Variants in BTBD9 observed in about 807,000 individuals in gnomAD.
BTBD9 encodes the protein BTB domain containing 9, also known as BTB/POZ domain-containing protein 9.
In BTBD9, 49 loss-of-function variants were observed where a neutral mutation model predicts 64.3. The observed-to-expected ratio is 0.76, with a 90% CI of 0.61 to 0.97. BTBD9 has a LOEUF of 0.97. Ranked by LOEUF, BTBD9 falls within the 50% of genes least tolerant of loss-of-function variation. BTBD9 has a pLI of 0.00. For synonymous variants in BTBD9, 260 were observed against 274.7 expected (o/e 0.95, Z 0.53); for missense variants, 598 against 762.1 (o/e 0.78, Z 2.53).
intron 10 of BTBD9, among the ~76,000 whole-genome samples, chr6:38,182,665 G>A (rs1213645013): frequency 1.3e-5 from 2 of 152,164 alleles, no homozygotes; most frequent in Non-Finnish European, 2.9e-5. Flanking sequence ...CTCCAGCTGC[G>A]TCGAGGCTTC....
At chr6:38,277,753 C>T (rs1468361313) in intron 8 of BTBD9, among the ~76,000 whole-genome samples, 1 of 152,148 alleles carries the variant, frequency 6.6e-6, no homozygotes, top group African/African-American at 2.4e-5. Flanking sequence ...AGGGAAAAAG[C>T]CCCCACTGAA....
intron 6 of BTBD9, among the ~76,000 whole-genome samples, chr6:38,470,477 G>A (rs987984058): frequency 6.6e-6 from 1 of 152,208 alleles, no homozygotes; most frequent in Non-Finnish European, 1.5e-5. Flanking sequence ...ACAATGTCCT[G>A]TCTGGACATA....
chr6:38,266,878 A>C (rs1043936511), intron 8 of BTBD9, among the ~76,000 whole-genome samples: 6 of 152,216 alleles, frequency 3.9e-5, no homozygotes, highest in African/African-American at 1.4e-4. Flanking sequence ...TAAAAGGTGA[A>C]GTCACAATAT....
chr6:38,486,681 G>A (rs977290820), intron 6 of BTBD9, among the ~76,000 whole-genome samples: 1 of 152,106 alleles, frequency 6.6e-6, no homozygotes, highest in Non-Finnish European at 1.5e-5. Flanking sequence ...AAAAATCATC[G>A]ATTACAGATC....
intron 8 of BTBD9, among the ~76,000 whole-genome samples, chr6:38,271,579 C>A (rs555481563): frequency 1.3e-3 from 201 of 152,144 alleles, no homozygotes; most frequent in African/African-American, 4.6e-3. Context: ...CACAGCCATG[C>A]CCCTCAGCAG....
At position 38,256,474 on chromosome 6, in the gene BTBD9, G is replaced by C. The variant is rs561475349; in HGVS notation, c.1497C>G (p.Tyr499Ter). The change falls in exon 9 of 11, where the codon TAC (tyrosine) becomes TAG (stop). Residue 499 changes from tyrosine to a stop codon, truncating the protein, a stop_gained. Transcript: ENST00000481247. LOFTEE classifies it high-confidence loss of function. The stretch of plus-strand genomic sequence containing the variant: ...GTTGCTGGTTGGTAGAAACCTCAAC[G>C]TAGTAGCTATAGCTTCGATCATCAC... The part of the protein sequence containing the change: ...WDCDDRSYSY[Y>*]VEVSTNQQQW... 7 of 1,613,984 alleles carry C rather than the reference G, an allele frequency of 4.3e-6. No individual in the cohort carries two copies. Among genetic ancestry groups the C allele is most frequent in the Non-Finnish European group, 5.9e-6 (7 of 1,179,880 alleles).
rs140474962 is a variant in BTBD9, at chr6:38,334,311, C to T, written c.1264+10673G>A. Among the ~76,000 whole-genome samples, 1,169 of 152,274 alleles carry T rather than the reference C, an allele frequency of 7.7e-3. 8 individuals are homozygous for T. The highest frequency in any genetic ancestry group is 0.014 in the African/African-American group (572 of 41,558). ...GCATGGTGGCTCATGCCTGTAATCC[C>T]GGCACTTTGGGAGGCCAAGGTGGGA... On this transcript the variant is annotated intron_variant, in intron 7 of 10. Transcript: ENST00000481247.
At chr6:38,336,080 T>C (rs1482669193) in intron 7 of BTBD9, among the ~76,000 whole-genome samples, 1 of 152,084 alleles carries the variant, frequency 6.6e-6, no homozygotes, top group African/African-American at 2.4e-5. Flanking sequence ...CTAATACACA[T>C]ATGTACACAC....
At chr6:38,595,753 G>A (rs1164301051) in intron 2 of BTBD9, 2 of 984,584 alleles carry the variant, frequency 2.0e-6, no homozygotes, top group Non-Finnish European at 2.4e-6. Flanking sequence ...AAAGATTCAT[G>A]AATATTCTGA....
intron 6 of BTBD9, among the ~76,000 whole-genome samples, chr6:38,563,464 C>T (rs575817167): frequency 2.5e-4 from 38 of 152,290 alleles, no homozygotes; most frequent in African/African-American, 7.5e-4. Flanking sequence ...TCTTCCACTT[C>T]GGCCCAACTC....
chr6:38,255,222 A>G (rs577060664), intron 9 of BTBD9, among the ~76,000 whole-genome samples: 7 of 152,322 alleles, frequency 4.6e-5, no homozygotes, highest in African/African-American at 1.7e-4. Context: ...TCCATAAAGA[A>G]AAGACAGAAA....
chr6:38,609,015 T>C (rs1777522809), intron 1 of BTBD9, among the ~76,000 whole-genome samples: 1 of 152,168 alleles, frequency 6.6e-6, no homozygotes, highest in African/African-American at 2.4e-5. Context: ...CCTACAGCCA[T>C]TGACTGCCTG....
chr6:38,408,335 G>C (rs978937504), intron 6 of BTBD9, among the ~76,000 whole-genome samples: 4 of 149,748 alleles, frequency 2.7e-5, no homozygotes, highest in South Asian at 4.3e-4. Flanking sequence ...TCCAGCAACA[G>C]AGCAAGACCC....
At chr6:38,550,056 T>C (rs1774728270) in intron 6 of BTBD9, among the ~76,000 whole-genome samples, 1 of 152,106 alleles carries the variant, frequency 6.6e-6, no homozygotes, top group South Asian at 2.1e-4. Context: ...CCTCATCCAG[T>C]CTCATGGCTT....
chr6:38,556,053 T>A (rs764894531), intron 6 of BTBD9, among the ~76,000 whole-genome samples: 24 of 152,280 alleles, frequency 1.6e-4, no homozygotes, highest in Non-Finnish European at 3.1e-4. Context: ...TGTTTCCCTA[T>A]GCAACCTTCA....
rs557541626 is a variant in BTBD9, at chr6:38,172,618, G to A, written c.*2367C>T. On this transcript the variant is annotated 3_prime_UTR_variant, in exon 11 of 11. Coordinates refer to ENST00000481247, the MANE Select transcript of BTBD9 (RefSeq NM_001099272.2). The stretch of plus-strand genomic sequence containing the variant: ...GGAGGCGAGCTGGCAGCGCGGCTGT[G>A]AGGGAATGAGACTTTGCCATCAGTC... 5.9e-5 allele frequency: 9 copies of A among 152,476 alleles called. No individual in the cohort carries two copies. Among genetic ancestry groups the A allele is most frequent in the Non-Finnish European group, 1.2e-4 (8 of 68,118 alleles). The allele number at this position is 152,476 out of a possible 1,614,324, so 9.4% of individuals were successfully genotyped here.
chr6:38,325,664 A>G lies in BTBD9; in HGVS notation c.1264+19320T>C, dbSNP rs745559503. Reference sequence around the variant, plus strand: ...CGTGCCACTGCACTCCAGCCTGGGCAACAGAGCAAGACTCCGTCTCAAAAA... The same window carrying G: ...CGTGCCACTGCACTCCAGCCTGGGCGACAGAGCAAGACTCCGTCTCAAAAA... On this transcript the variant is annotated intron_variant, in intron 7 of 10. Coordinates refer to ENST00000481247, the MANE Select transcript of BTBD9 (RefSeq NM_001099272.2). Among the ~76,000 whole-genome samples the G allele has an allele frequency of 2.6e-4, 39 of 152,324 alleles. 1 individual carries two copies. The highest frequency in any genetic ancestry group is 1.6e-3 in the Admixed American group (24 of 15,300).
chr6:38,390,704 T>C (rs926266199), intron 6 of BTBD9, among the ~76,000 whole-genome samples: 1 of 152,208 alleles, frequency 6.6e-6, no homozygotes. Context: ...CACCACTGCT[T>C]AAACTGATAC....
At chr6:38,388,741 C>T (rs1309801878) in intron 6 of BTBD9, among the ~76,000 whole-genome samples, 1 of 152,146 alleles carries the variant, frequency 6.6e-6, no homozygotes, top group Non-Finnish European at 1.5e-5. Context: ...TATTCTGTTT[C>T]TAAACTTTAA....
Sources: gnomAD v4.1 joint callset for allele counts (sites outside exome capture counted in the v4.1 genomes callset) on GRCh38, gnomAD v4.1.1 for gene constraint, MANE v1.5 for transcripts, NCBI Gene and HGNC (gene_info 2026-07-23, HGNC 2026-07-21) for gene names.